Variants in P2RX5 observed in about 807,000 individuals in gnomAD.
The protein encoded by P2RX5 is purinergic receptor P2X 5.
In P2RX5, 46 loss-of-function variants were observed where a neutral mutation model predicts 54.1. That is an observed-to-expected ratio of 0.85 (90% CI 0.67 to 1.09). The LOEUF is 1.09. P2RX5 is among the 50% of genes least tolerant of loss of function. P2RX5 has a pLI of 0.00. For missense variants in P2RX5, 566 were observed against 549.8 expected, an observed-to-expected ratio of 1.03 and a Z score of -0.29; for synonymous variants, 226 against 226.4, an observed-to-expected ratio of 1.00 and a Z score of 0.02.
the P2RX5 span, chr17:3,714,708 C>A: frequency 1.8e-6 from 1 of 544,716 alleles, no homozygotes. Context: ...ACTTTTGGGA[C>A]AATGTATGGT....
At chr17:3,699,874 A>AAAGAAAGAAAGGAAGGAAGGAAGG (rs1567744280), upstream of P2RX5, among the ~76,000 whole-genome samples, 13 of 42,760 alleles carry the variant, frequency 3.0e-4, no homozygotes, top group South Asian at 1.1e-3. Flanking sequence ...AGAAAGAAAG[A>AAAGAAAGAAAGGAAGGAAGGAAGG]AAGGAAGGAA....
At chr17:3,675,538 A>G in intron 11 of P2RX5, 1 of 984,284 alleles carries the variant, frequency 1.0e-6, no homozygotes, top group Non-Finnish European at 1.2e-6. Context: ...ACCTAAGTGG[A>G]TCACCTGGAT....
At chr17:3,720,800 C>T in the P2RX5 span, among the ~76,000 whole-genome samples, 19,390 of 152,054 alleles carry the variant, frequency 0.13, 4,115 homozygotes, top group African/African-American at 0.44. Context: ...CCAGGCTTGT[C>T]TCGAACTCCT....
chr17:3,715,422 C>G, the P2RX5 span, among the ~76,000 whole-genome samples: 1 of 152,148 alleles, frequency 6.6e-6, no homozygotes, highest in African/African-American at 2.4e-5. Flanking sequence ...GAAGCCAGCA[C>G]AGAGGACTCA....
the P2RX5 span, among the ~76,000 whole-genome samples, chr17:3,712,129 A>G: frequency 2.0e-5 from 3 of 152,248 alleles, no homozygotes; most frequent in East Asian, 1.9e-4. Context: ...CAACAGGAAA[A>G]TAAGTAAGCA....
At position 3,679,751 on chromosome 17, in the gene P2RX5, G is replaced by A. The variant is rs770675315; in HGVS notation, c.1098C>T (p.Asp366=). 54 of 1,611,648 alleles carry A rather than the reference G, an allele frequency of 3.4e-5. No individual in the cohort carries two copies. The highest frequency in any genetic ancestry group is 8.8e-5 in the South Asian group (8 of 91,084). The change falls in exon 11 of 12, where the codon GAC becomes GAT. Residue 366 remains aspartate, a synonymous_variant. Transcript: ENST00000225328. ...CAGATAGCCCCAGCCCCGATGCCTCGTCCTCGGCCTCCTGGGAACTGTCTT... is the reference window on the plus strand; with the variant it reads ...CAGATAGCCCCAGCCCCGATGCCTCATCCTCGGCCTCCTGGGAACTGTCTT... The part of the protein sequence containing the change: ...GLEDSSQEAE[D]EASGLGLSEQ...
At chr17:3,678,050 A>G in intron 11 of P2RX5, 1 of 985,458 alleles carries the variant, frequency 1.0e-6, no homozygotes, top group Non-Finnish European at 1.2e-6. Context: ...GTTTTCAGCG[A>G]CACTGCTGGT....
Position 3,681,971 on chromosome 17 carries a change from A to C in P2RX5, c.989T>G (p.Phe330Cys). Reference sequence around the variant, plus strand: ...GTAGATGAGTACCAGGTCGCAGAAGAAAGCACCCTGCAAAACAGGGGTTCC... The same window carrying C: ...GTAGATGAGTACCAGGTCGCAGAAGCAAGCACCCTGCAAAACAGGGGTTCC... ...FDVMVNGKGAFFCDLVLIYLI... is the reference protein window; with the variant it reads ...FDVMVNGKGACFCDLVLIYLI... Residue 330 changes from phenylalanine (F) to cysteine (C), a missense_variant, in exon 10 of 12, where the codon TTC (phenylalanine) becomes TGC (cysteine). Transcript: ENST00000225328. The C allele has an allele frequency of 1.2e-6, 2 of 1,611,872 alleles. No individual in the cohort carries two copies. Among genetic ancestry groups the C allele is most frequent in the Non-Finnish European group, 1.7e-6 (2 of 1,178,064 alleles).
intron 1 of P2RX5, among the ~76,000 whole-genome samples, chr17:3,693,144 A>G (rs998876639): frequency 2.0e-5 from 3 of 151,296 alleles, no homozygotes; most frequent in East Asian, 1.9e-4. Context: ...AAAAAAAAAA[A>G]AGAGAGAGAG....
rs376800686 is a variant in P2RX5, at chr17:3,681,889, A to G, written c.1064+7T>C. On this transcript the variant is annotated splice_region_variant and intron_variant, in intron 10 of 11. Transcript: ENST00000225328. ...CCTCGGGCCGCCGGCCTGGAAGCGG[A>G]ACTGACCTCACTTCCTCGTACTTCT... 128 of 1,605,902 alleles carry G rather than the reference A, an allele frequency of 8.0e-5. No individual in the cohort carries two copies. In the African/African-American group the frequency reaches 1.5e-3, roughly 19 times the overall value.
In P2RX5 at chr17:3,673,351, C is replaced by A; in HGVS notation, c.*517G>T. On this transcript the variant is annotated 3_prime_UTR_variant, in exon 12 of 12. Transcript: ENST00000225328. ...TTAATTCTGTGTACTGGCCTAAGGG[C>A]AAACAGCTGGCAGGAAGGTGGTGTC... The A allele has an allele frequency of 9.9e-7, 1 of 1,014,358 alleles. No homozygotes were observed. The highest frequency in any genetic ancestry group is 4.0e-5 in the South Asian group (1 of 24,982). The allele number at this position is 1,014,358 out of a possible 1,614,324, so 62.8% of individuals were successfully genotyped here. A position where few individuals can be genotyped will look rare whatever the true frequency, so the allele number is the denominator to read the frequency against.
chr17:3,716,114 T>C, the P2RX5 span, among the ~76,000 whole-genome samples: 1 of 150,096 alleles, frequency 6.7e-6, no homozygotes, highest in Non-Finnish European at 1.5e-5. Context: ...AAGGTTGCAG[T>C]GAGCCGAGAT....
chr17:3,701,727 C>T, the P2RX5 span, among the ~76,000 whole-genome samples: 1 of 115,640 alleles, frequency 8.6e-6, no homozygotes, highest in Admixed American at 8.4e-5. Context: ...AAAGGAACTT[C>T]TAAAGGGACA....
At chr17:3,699,905 GGAAGGAAGGAAGGAAAGAAAGAAA>G (rs2050805556), upstream of P2RX5, among the ~76,000 whole-genome samples, 2 of 35,496 alleles carry the variant, frequency 5.6e-5, no homozygotes, top group Admixed American at 4.9e-4. Context: ...AAGGAAGGAA[GGAAGGAAGGAAGGAAAGAAAGAAA>G]GAAAGAAAGA....
At chr17:3,696,593 T>TACAG (rs2050763733), upstream of P2RX5, among the ~76,000 whole-genome samples, 1 of 152,130 alleles carries the variant, frequency 6.6e-6, no homozygotes, top group African/African-American at 2.4e-5. Flanking sequence ...TAGCTGGGAC[T>TACAG]ACAGGCGTGA....
At chr17:3,682,475 G>A (rs893530053) in intron 9 of P2RX5, 2 of 207,892 alleles carry the variant, frequency 9.6e-6, no homozygotes, top group East Asian at 2.4e-4. Context: ...ACATTACGGA[G>A]GGAGGAACAA....
intron 6 of P2RX5, among the ~76,000 whole-genome samples, chr17:3,689,840 A>G (rs529678462): frequency 1.3e-5 from 2 of 152,228 alleles, no homozygotes; most frequent in South Asian, 2.1e-4. Context: ...TCACACACAC[A>G]CGCACACACG....
chr17:3,699,123 CA>C (rs1270009167), upstream of P2RX5, among the ~76,000 whole-genome samples: 1 of 150,240 alleles, frequency 6.7e-6, no homozygotes, highest in East Asian at 2.0e-4. Context: ...AAGTCAGGCA[CA>C]GTGGCTCATG....
chr17:3,723,355 C>G, the P2RX5 span: 3 of 1,613,852 alleles, frequency 1.9e-6, no homozygotes, highest in South Asian at 2.2e-5. Context: ...AGCGATGACA[C>G]AGCTCACTGA....
Sources: gnomAD v4.1 joint callset for allele counts (sites outside exome capture counted in the v4.1 genomes callset) on GRCh38, gnomAD v4.1.1 for gene constraint, MANE v1.5 for transcripts, NCBI Gene and HGNC (gene_info 2026-07-23, HGNC 2026-07-21) for gene names.